Variants in PRPF6 observed in about 807,000 individuals in gnomAD.
The protein encoded by PRPF6 is pre-mRNA processing factor 6, also known as pre-mRNA-processing factor 6.
PRPF6 carries 42 observed loss-of-function variants against 118.3 expected under a neutral mutation model. That is an observed-to-expected ratio of 0.35 (90% CI 0.28 to 0.46). PRPF6 has a LOEUF of 0.46. Ranked by LOEUF, PRPF6 falls within the 20% of genes least tolerant of loss-of-function variation. The pLI is 1.00. For missense variants in PRPF6, 662 were observed against 1,255.7 expected, an observed-to-expected ratio of 0.53 and a Z score of 7.15; for synonymous variants, 481 against 485.1, an observed-to-expected ratio of 0.99 and a Z score of 0.11.
chr20:64,002,104 C>T (rs2059169841), intron 9 of PRPF6, among the ~76,000 whole-genome samples: 1 of 133,220 alleles, frequency 7.5e-6, no homozygotes, highest in Admixed American at 8.5e-5. Context: ...CTGCAAGCTC[C>T]GCCTCCCGGG....
intron 19 of PRPF6, among the ~76,000 whole-genome samples, chr20:64,030,708 C>G (rs1206207304): frequency 6.6e-6 from 1 of 152,248 alleles, no homozygotes; most frequent in Non-Finnish European, 1.5e-5. Context: ...TTGCTATTCC[C>G]AAGCCAGTGT....
chr20:64,021,017 C>T (rs1277649362), intron 12 of PRPF6, among the ~76,000 whole-genome samples: 1 of 152,236 alleles, frequency 6.6e-6, no homozygotes, highest in Non-Finnish European at 1.5e-5. Flanking sequence ...AAACTCCTGA[C>T]TTCAGGTGAT....
At chr20:64,016,883 G>A (rs765696518) in intron 12 of PRPF6, 38 bp downstream of exon 12, 161 of 1,613,402 alleles carry the variant, frequency 1.0e-4, no homozygotes, top group Non-Finnish European at 1.3e-4. Flanking sequence ...GTAATATGGA[G>A]TCTCTGCTTG....
At chr20:64,018,134 C>T (rs1017514375) in intron 12 of PRPF6, among the ~76,000 whole-genome samples, 5 of 152,092 alleles carry the variant, frequency 3.3e-5, no homozygotes, top group African/African-American at 7.2e-5. Context: ...AGTTTGGGGC[C>T]GTAGTGAGCT....
chr20:64,016,863 G>A lies in PRPF6; in HGVS notation c.1647+18G>A, dbSNP rs1300308637. On this transcript the variant is annotated intron_variant, in intron 12 of 20. Coordinates refer to ENST00000266079, the MANE Select transcript of PRPF6 (RefSeq NM_012469.4). ...CTGACAGTGTGAGTTGGCAACAGGG[G>A]CCTTTGTCCGTAATATGGAGTCTCT... 13 of 1,614,074 alleles carry A rather than the reference G, an allele frequency of 8.1e-6. No homozygotes were observed. Among genetic ancestry groups the A allele is most frequent in the Admixed American group, 1.7e-5 (1 of 60,020 alleles).
At chr20:63,983,275 C>T (rs2059079154) in intron 2 of PRPF6, 60 bp downstream of exon 2, 1 of 1,603,050 alleles carries the variant, frequency 6.2e-7, no homozygotes, top group Admixed American at 1.7e-5. Flanking sequence ...GCTGACCTAA[C>T]CAGTGTGTGT....
In PRPF6 at chr20:63,983,032, G is replaced by A; in HGVS notation, c.72-15G>A. ...GAGTTATTCAGACACCCGGTGTCTT[G>A]GGGGTCTCCTGCAGCGCCACTGGCT... is the stretch of plus-strand genomic sequence containing the variant. On this transcript the variant is annotated splice_polypyrimidine_tract_variant and intron_variant, in intron 1 of 20. Coordinates refer to ENST00000266079, the MANE Select transcript of PRPF6 (RefSeq NM_012469.4). 1.2e-6 allele frequency: 2 copies of A among 1,613,498 alleles called. No individual in the cohort carries two copies. Among genetic ancestry groups the A allele is most frequent in the Non-Finnish European group, 1.7e-6 (2 of 1,179,776 alleles).
chr20:64,016,861 G>A lies in PRPF6; in HGVS notation c.1647+16G>A, dbSNP rs558750067. On this transcript the variant is annotated intron_variant, in intron 12 of 20. Transcript: ENST00000266079. ...TGCTGACAGTGTGAGTTGGCAACAG[G>A]GGCCTTTGTCCGTAATATGGAGTCT... is the stretch of plus-strand genomic sequence containing the variant. 1.9e-6 allele frequency: 3 copies of A among 1,614,112 alleles called. No homozygotes were observed. The African/African-American group carries it at 4.0e-5, about 22-fold the overall frequency.
intron 6 of PRPF6, among the ~76,000 whole-genome samples, chr20:63,996,014 A>C (rs545882791): frequency 6.6e-6 from 1 of 152,230 alleles, no homozygotes; most frequent in South Asian, 2.1e-4. Flanking sequence ...CCTGCCTCTC[A>C]GTAAATTGTC....
At chr20:64,023,372 G>T (rs374638759) in intron 13 of PRPF6, among the ~76,000 whole-genome samples, 1 of 152,198 alleles carries the variant, frequency 6.6e-6, no homozygotes, top group Non-Finnish European at 1.5e-5. Flanking sequence ...CGCTTTATTG[G>T]CTGTAAATGC....
intron 1 of PRPF6, among the ~76,000 whole-genome samples, chr20:63,982,266 G>A (rs1601505295): frequency 6.6e-6 from 1 of 152,214 alleles, no homozygotes; most frequent in East Asian, 1.9e-4. Context: ...TCTGCCCCCC[G>A]GGTTCAAGCA....
At position 64,032,997 on chromosome 20, in the gene PRPF6, A is replaced by G. The variant is rs1299238942; in HGVS notation, c.*4A>G. On this transcript the variant is annotated 3_prime_UTR_variant, in exon 21 of 21. Coordinates refer to ENST00000266079, the MANE Select transcript of PRPF6 (RefSeq NM_012469.4). Reference sequence around the variant, plus strand: ...CCGCATCAAGAACACCTTCTGATTGAGCGGTTGCCATGGCCGGTCTCCGTG... The same window carrying G: ...CCGCATCAAGAACACCTTCTGATTGGGCGGTTGCCATGGCCGGTCTCCGTG... 1 of 1,612,966 alleles carries G rather than the reference A, an allele frequency of 6.2e-7. No individual in the cohort carries two copies. Among genetic ancestry groups the G allele is most frequent in the Non-Finnish European group, 8.5e-7 (1 of 1,179,986 alleles).
chr20:63,990,856 A>G (rs747893269), intron 3 of PRPF6, among the ~76,000 whole-genome samples: 3 of 151,692 alleles, frequency 2.0e-5, no homozygotes, highest in Admixed American at 1.3e-4. Flanking sequence ...GGTTTCACCA[A>G]TGTTAGCCAG....
chr20:64,000,661 C>T (rs1375205401), intron 8 of PRPF6, among the ~76,000 whole-genome samples: 5 of 151,638 alleles, frequency 3.3e-5, no homozygotes, highest in African/African-American at 7.3e-5. Context: ...CTCTGCCTCC[C>T]GGGTTCAAGC....
At chr20:63,992,882 T>A (rs911379259) in intron 3 of PRPF6, among the ~76,000 whole-genome samples, 1 of 151,926 alleles carries the variant, frequency 6.6e-6, no homozygotes, top group East Asian at 1.9e-4. Flanking sequence ...AGGTGTGTGC[T>A]ACCATGCCCA....
intron 7 of PRPF6, 117 bp from the exon 8 acceptor site, chr20:63,999,486 A>G: frequency 7.2e-7 from 1 of 1,381,268 alleles, no homozygotes; most frequent in African/African-American, 1.4e-5. Context: ...TTTGTAACTC[A>G]GGACATCAGG....
chr20:64,029,270 C>T lies in PRPF6; in HGVS notation c.2432-107C>T. ...AGTTCTGCGAGCCGTGTGTGGGAGG[C>T]CCCTGTCGTGGTCTGAGGACGTCCC... is the stretch of plus-strand genomic sequence containing the variant. On this transcript the variant is annotated intron_variant, in intron 18 of 20. Coordinates refer to ENST00000266079, the MANE Select transcript of PRPF6 (RefSeq NM_012469.4). This position sits in a 1 kb window ranked among gnomAD's most constrained non-coding sequence, Gnocchi z 4.8. The T allele has an allele frequency of 1.1e-6, 1 of 930,676 alleles. No individual in the cohort carries two copies. The highest frequency in any genetic ancestry group is 1.8e-6 in the Non-Finnish European group (1 of 569,404). The allele number at this position is 930,676 out of a possible 1,614,324, so 57.7% of individuals were successfully genotyped here.
intron 20 of PRPF6, 21 bp downstream of exon 20, chr20:64,032,065 G>A (rs773156290): frequency 5.0e-6 from 8 of 1,613,350 alleles, no homozygotes; most frequent in South Asian, 1.1e-5. Flanking sequence ...TCGACAGACC[G>A]CCGCTCAGTG....
intron 3 of PRPF6, among the ~76,000 whole-genome samples, chr20:63,988,583 A>G (rs1031804319): frequency 1.3e-5 from 2 of 152,148 alleles, no homozygotes; most frequent in Non-Finnish European, 1.5e-5. Flanking sequence ...TTATTAACAG[A>G]TAGTGAAAAA....
Sources: allele counts gnomAD v4.1 joint callset (sites outside exome capture counted in the v4.1 genomes callset), GRCh38; gene constraint gnomAD v4.1.1; non-coding constraint Gnocchi (gnomAD v3.1); transcripts MANE v1.5; gene names NCBI Gene and HGNC (gene_info 2026-07-23, HGNC 2026-07-21).